TBL1XR1: variants seen among roughly 807,000 people sequenced by gnomAD.
The protein encoded by TBL1XR1 is F-box-like/WD repeat-containing protein TBL1XR1.
A neutral mutation model predicts 66.9 loss-of-function variants in TBL1XR1; 5 were observed. The observed-to-expected ratio is 0.07, with a 90% CI of 0.04 to 0.16. TBL1XR1 has a LOEUF of 0.16. Among genes scored for constraint, TBL1XR1 ranks in the 10% least tolerant of loss-of-function variants. TBL1XR1 has a pLI of 1.00. For synonymous variants in TBL1XR1, 210 were observed against 206.0 expected (o/e 1.02, Z -0.17); for missense variants, 238 against 623.2 (o/e 0.38, Z 6.58).
intron 2 of TBL1XR1, among the ~76,000 whole-genome samples, chr3:177,077,084 A>G (rs1720788593): frequency 6.6e-6 from 1 of 152,250 alleles, no homozygotes; most frequent in South Asian, 2.1e-4. Context: ...CACCTTATCT[A>G]CATACAAAAT....
At chr3:177,173,445 C>A (rs377477469) in intron 1 of TBL1XR1, among the ~76,000 whole-genome samples, 1 of 152,050 alleles carries the variant, frequency 6.6e-6, no homozygotes, top group Admixed American at 6.6e-5. Flanking sequence ...TAAAATATAC[C>A]AATAAGTGTC....
intron 1 of TBL1XR1, among the ~76,000 whole-genome samples, chr3:177,098,831 A>C (rs79510330): frequency 0.073 from 11,116 of 152,306 alleles, 551 homozygotes; most frequent in Admixed American, 0.16. Flanking sequence ...ACTCATGTAA[A>C]TATTATTGCA....
chr3:177,115,798 A>G (rs915874802), intron 1 of TBL1XR1, among the ~76,000 whole-genome samples: 2 of 152,096 alleles, frequency 1.3e-5, no homozygotes, highest in Non-Finnish European at 2.9e-5. Context: ...TCATTTAACA[A>G]CTCTTCAGAT....
At chr3:177,148,502 T>G (rs2108843674) in intron 1 of TBL1XR1, among the ~76,000 whole-genome samples, 1 of 150,370 alleles carries the variant, frequency 6.7e-6, no homozygotes, top group Middle Eastern at 3.5e-3. Flanking sequence ...GATAACGAGG[T>G]CAGGAGTTCG....
intron 1 of TBL1XR1, among the ~76,000 whole-genome samples, chr3:177,189,012 C>T (rs1735785293): frequency 6.6e-6 from 1 of 151,742 alleles, no homozygotes; most frequent in African/African-American, 2.4e-5. Context: ...TCAAGACCAG[C>T]CTGGCCAACA....
rs1335673060 is a variant in TBL1XR1, at chr3:177,021,628, C to T, written c.*3870G>A. ...GAAGGAGTAATTCATAACTTCCCTA[C>T]CCTCCTTCCATCCCTGCTGATTCAG... On this transcript the variant is annotated 3_prime_UTR_variant, in exon 16 of 16. Transcript: ENST00000457928. 6.6e-6 allele frequency: 1 copy of T among 152,526 alleles called. No individual in the cohort carries two copies. Among genetic ancestry groups the T allele is most frequent in the African/African-American group, 2.4e-5 (1 of 41,446 alleles). The allele number at this position is 152,526 out of a possible 1,614,324, so 9.4% of individuals were successfully genotyped here.
chr3:177,155,902 G>A (rs561182822), intron 1 of TBL1XR1, among the ~76,000 whole-genome samples: 3 of 152,060 alleles, frequency 2.0e-5, no homozygotes, highest in East Asian at 3.9e-4. Context: ...CCAGCTACTC[G>A]GGAGGCTGAG....
At chr3:177,089,137 A>C (rs552414775) in intron 2 of TBL1XR1, among the ~76,000 whole-genome samples, 2 of 152,330 alleles carry the variant, frequency 1.3e-5, no homozygotes, top group South Asian at 4.2e-4. Context: ...AAGATATGTT[A>C]ACAAAATACA....
chr3:177,196,926 T>A (rs140903163), intron 1 of TBL1XR1, among the ~76,000 whole-genome samples, 195 bp downstream of exon 1: 1,924 of 150,990 alleles, frequency 0.013, 17 homozygotes, highest in Middle Eastern at 0.021. Context: ...AACGGGGGGA[T>A]GGGGGCGCCC....
intron 1 of TBL1XR1, among the ~76,000 whole-genome samples, chr3:177,185,830 CCT>C (rs1222890401): frequency 2.0e-5 from 3 of 151,958 alleles, no homozygotes; most frequent in African/African-American, 7.3e-5. Context: ...ATAGTGAGAT[CCT>C]CTCTCTACAA....
chr3:177,055,575 G>A (rs1477453022), intron 3 of TBL1XR1, among the ~76,000 whole-genome samples: 6 of 151,262 alleles, frequency 4.0e-5, no homozygotes, highest in African/African-American at 7.3e-5. Flanking sequence ...GGGTGGGGGC[G>A]GAGAAGCACC....
At chr3:177,187,027 C>G (rs1560278995) in intron 1 of TBL1XR1, among the ~76,000 whole-genome samples, 1 of 151,876 alleles carries the variant, frequency 6.6e-6, no homozygotes, top group South Asian at 2.1e-4. Context: ...ATTAGCCGGG[C>G]GTGGTGGCGG....
At chr3:177,027,835 G>C (rs1004500198) in intron 14 of TBL1XR1, 1 of 152,152 alleles carries the variant, frequency 6.6e-6, no homozygotes, top group Non-Finnish European at 1.5e-5. Context: ...CATAATTTAT[G>C]AGATTAAGTT....
intron 1 of TBL1XR1, among the ~76,000 whole-genome samples, chr3:177,191,608 G>A (rs558120002): frequency 6.6e-6 from 1 of 152,280 alleles, no homozygotes; most frequent in South Asian, 2.1e-4. Context: ...AAAATGGGAA[G>A]TGAACATAAG....
intron 1 of TBL1XR1, among the ~76,000 whole-genome samples, chr3:177,177,720 C>T (rs1168414771): frequency 1.3e-5 from 2 of 152,162 alleles, no homozygotes; most frequent in South Asian, 4.1e-4. Context: ...CAATTTAAGA[C>T]TACCAGCTAA....
chr3:177,121,329 C>T (rs1381402990), intron 1 of TBL1XR1, among the ~76,000 whole-genome samples: 1 of 152,086 alleles, frequency 6.6e-6, no homozygotes, highest in African/African-American at 2.4e-5. Flanking sequence ...TAACAGGATA[C>T]GGTAATTCAT....
intron 12 of TBL1XR1, among the ~76,000 whole-genome samples, chr3:177,035,055 A>C (rs944043363): frequency 6.6e-6 from 1 of 152,168 alleles, no homozygotes; most frequent in African/African-American, 2.4e-5. Context: ...AAATCAGCTC[A>C]ACTTTACATT....
At chr3:177,055,044 C>T (rs967005087) in intron 3 of TBL1XR1, among the ~76,000 whole-genome samples, 2 of 152,010 alleles carry the variant, frequency 1.3e-5, no homozygotes, top group Admixed American at 6.6e-5. Context: ...TTAAATTGTA[C>T]AAGTAATATA....
At chr3:177,128,920 T>G (rs1045987478) in intron 1 of TBL1XR1, among the ~76,000 whole-genome samples, 3 of 152,160 alleles carry the variant, frequency 2.0e-5, no homozygotes, top group African/African-American at 7.2e-5. Context: ...AAATTCACCT[T>G]CACTAAGTTT....
Sources: allele counts gnomAD v4.1 joint callset (sites outside exome capture counted in the v4.1 genomes callset), GRCh38; gene constraint gnomAD v4.1.1; transcripts MANE v1.5; gene names NCBI Gene and HGNC (gene_info 2026-07-23, HGNC 2026-07-21).